The following ATF6 variants were observed in gnomAD, a reference collection of about 807,000 sequenced individuals.
The protein encoded by ATF6 is activating transcription factor 6.
A neutral mutation model predicts 83.6 loss-of-function variants in ATF6; 53 were observed. That is an observed-to-expected ratio of 0.63 (90% CI 0.51 to 0.80). ATF6 has a LOEUF of 0.80. Ranked by LOEUF, ATF6 falls within the 30% of genes least tolerant of loss-of-function variation. ATF6 has a pLI of 0.00. For missense variants in ATF6, 744 were observed against 797.9 expected (o/e 0.93, Z 0.81); for synonymous variants, 288 against 285.8 (o/e 1.01, Z -0.08).
chr1:161,926,667 G>T (rs1444329073), intron 15 of ATF6, among the ~76,000 whole-genome samples: 1 of 152,132 alleles, frequency 6.6e-6, no homozygotes, highest in Admixed American at 6.5e-5. Flanking sequence ...GACTGTACAA[G>T]GGTATGAATA....
intron 15 of ATF6, among the ~76,000 whole-genome samples, chr1:161,924,813 G>C (rs781750591): frequency 6.6e-6 from 1 of 152,142 alleles, no homozygotes; most frequent in African/African-American, 2.4e-5. Flanking sequence ...GACAAAGAAA[G>C]ATGCATTAAT....
chr1:161,887,609 A>G, intron 14 of ATF6, among the ~76,000 whole-genome samples: 1 of 152,208 alleles, frequency 6.6e-6, no homozygotes, highest in East Asian at 1.9e-4. Flanking sequence ...ATGTATTTCT[A>G]AGGATTAAAT....
intron 14 of ATF6, among the ~76,000 whole-genome samples, chr1:161,869,141 C>A (rs1387180772): frequency 1.3e-5 from 2 of 151,934 alleles, no homozygotes; most frequent in East Asian, 1.9e-4. Flanking sequence ...TTTAGTCCCA[C>A]GGATGGGCAT....
chr1:161,812,366 A>ATTTTTTTTTTTT (rs76880363), intron 7 of ATF6, among the ~76,000 whole-genome samples: 1 of 37,536 alleles, frequency 2.7e-5, no homozygotes, highest in African/African-American at 8.6e-5. Context: ...GGGAGCAGGT[A>ATTTTTTTTTTTT]TTTTCTTTTT....
rs1273860519 is a variant in ATF6, at chr1:161,819,661, T to A, written c.938T>A (p.Met313Lys). The change falls in exon 8 of 16, where the codon ATG becomes AAG. Residue 313 changes from methionine (M) to lysine (K), a missense_variant. Physicochemically the swap from Met to Lys is moderately conservative, Grantham distance 95. Coordinates refer to ENST00000367942, the MANE Select transcript of ATF6 (RefSeq NM_007348.4). ...DIAVLRRQQR[M>K]IKNRESACQS... Reference sequence around the variant, plus strand: ...GCTGTGCTAAGGAGACAGCAACGTATGATAAAAAATCGAGAATCCGCTTGT... The same window carrying A: ...GCTGTGCTAAGGAGACAGCAACGTAAGATAAAAAATCGAGAATCCGCTTGT... The A allele has an allele frequency of 2.5e-6, 4 of 1,609,606 alleles. No homozygotes were observed. The highest frequency in any genetic ancestry group is 1.7e-5 in the Admixed American group (1 of 59,234).
At chr1:161,853,167 ATCCAT>A (rs1686674088) in intron 11 of ATF6, 52 bp from the exon 12 acceptor site, 10 of 1,244,442 alleles carry the variant, frequency 8.0e-6, no homozygotes, top group African/African-American at 3.0e-5. Context: ...AGGGTGAAAC[ATCCAT>A]TTCTATGTTT....
chr1:161,839,518 C>T (rs762158310), intron 9 of ATF6, among the ~76,000 whole-genome samples: 79 of 152,114 alleles, frequency 5.2e-4, no homozygotes, highest in Non-Finnish European at 1.5e-4. Context: ...CACTCCACCA[C>T]ACCCAGCTAA....
intron 15 of ATF6, among the ~76,000 whole-genome samples, chr1:161,930,398 G>A (rs2101901630): frequency 1.3e-5 from 2 of 152,216 alleles, no homozygotes; most frequent in South Asian, 4.1e-4. Context: ...TAGTTTCAGT[G>A]ATCTATTTTT....
At chr1:161,958,364 T>G (rs1171777729) in intron 15 of ATF6, 82 bp from the exon 16 acceptor site, 4 of 1,382,694 alleles carry the variant, frequency 2.9e-6, no homozygotes, top group Non-Finnish European at 4.0e-6. Flanking sequence ...AAAGCACATT[T>G]CTGTATTTCT....
chr1:161,885,785 G>A (rs375531753), intron 14 of ATF6, among the ~76,000 whole-genome samples: 1 of 152,086 alleles, frequency 6.6e-6, no homozygotes, highest in Non-Finnish European at 1.5e-5. Flanking sequence ...AGACAAATAA[G>A]CTAAAATCCT....
At chr1:161,794,534 G>A (rs767769117) in intron 6 of ATF6, among the ~76,000 whole-genome samples, 139 of 151,928 alleles carry the variant, frequency 9.1e-4, no homozygotes, top group African/African-American at 3.2e-3. Flanking sequence ...GTCTGGTCTC[G>A]AATTCTTGGG....
chr1:161,789,164 C>T (rs1684820868), intron 4 of ATF6, among the ~76,000 whole-genome samples: 2 of 146,666 alleles, frequency 1.4e-5, no homozygotes, highest in Non-Finnish European at 3.0e-5. Context: ...CAGTTACATA[C>T]TTTTTGTTAT....
chr1:161,941,675 C>G (rs1393150149), intron 15 of ATF6, among the ~76,000 whole-genome samples: 1 of 152,060 alleles, frequency 6.6e-6, no homozygotes, highest in African/African-American at 2.4e-5. Context: ...TATTAAGAAG[C>G]CCAGAAAGAA....
At position 161,937,118 on chromosome 1, in the gene ATF6, C is replaced by T. The variant is rs543216383; in HGVS notation, c.1805-21328C>T. ...TGTATTTACCCTTACATTCTTTAGT[C>T]TTTTTAAAATATTGACGCTAGAATG... is the stretch of plus-strand genomic sequence containing the variant. On this transcript the variant is annotated intron_variant, in intron 15 of 15. Transcript: ENST00000367942. Among the ~76,000 whole-genome samples the T allele has an allele frequency of 6.6e-5, 10 of 152,138 alleles. No individual in the cohort carries two copies. In the East Asian group the frequency reaches 1.5e-3, roughly 23 times the overall value.
chr1:161,854,699 A>T (rs1686718135), intron 12 of ATF6, among the ~76,000 whole-genome samples: 2 of 152,038 alleles, frequency 1.3e-5, no homozygotes, highest in African/African-American at 2.4e-5. Context: ...GTGAAACCCC[A>T]TCTCTACTAA....
intron 14 of ATF6, among the ~76,000 whole-genome samples, chr1:161,885,778 C>G (rs953565187): frequency 1.3e-5 from 2 of 152,018 alleles, no homozygotes; most frequent in African/African-American, 4.8e-5. Flanking sequence ...GGTATAAAGA[C>G]AAATAAGCTA....
At chr1:161,927,215 A>C (rs1688334358) in intron 15 of ATF6, among the ~76,000 whole-genome samples, 1 of 152,176 alleles carries the variant, frequency 6.6e-6, no homozygotes, top group African/African-American at 2.4e-5. Flanking sequence ...TGGCTGATCC[A>C]GCCCAGCTAC....
chr1:161,961,430 C>T lies in ATF6; in HGVS notation c.*2776C>T, dbSNP rs1478686917. The T allele has an allele frequency of 6.6e-6, 1 of 152,210 alleles. No individual in the cohort carries two copies. Among genetic ancestry groups the T allele is most frequent in the African/African-American group, 2.4e-5 (1 of 41,454 alleles). 9.4% of individuals were successfully genotyped at this position (152,210 alleles called of 1,614,324 possible). On this transcript the variant is annotated 3_prime_UTR_variant, in exon 16 of 16. Coordinates refer to ENST00000367942, the MANE Select transcript of ATF6 (RefSeq NM_007348.4). ...AGAGTTTCAGGAAATGAGTGAAAGGCAATTGACAAATGCAAAGAAGTAGTC... is the reference window on the plus strand; with the variant it reads ...AGAGTTTCAGGAAATGAGTGAAAGGTAATTGACAAATGCAAAGAAGTAGTC...
intron 15 of ATF6, among the ~76,000 whole-genome samples, chr1:161,949,099 A>G (rs1688815445): frequency 6.6e-6 from 1 of 152,206 alleles, no homozygotes. Flanking sequence ...GTCTCTCCTG[A>G]GGCAGCTGAC....
Sources: gnomAD v4.1 joint callset for allele counts (sites outside exome capture counted in the v4.1 genomes callset) on GRCh38, gnomAD v4.1.1 for gene constraint, MANE v1.5 for transcripts, NCBI Gene and HGNC (gene_info 2026-07-23, HGNC 2026-07-21) for gene names.